Variants in HNRNPD observed in about 807,000 individuals in gnomAD.
HNRNPD encodes heterogeneous nuclear ribonucleoprotein D, also known as heterogeneous nuclear ribonucleoprotein D0.
HNRNPD carries 3 observed loss-of-function variants against 47.9 expected under a neutral mutation model. The observed-to-expected ratio is 0.06, with a 90% CI of 0.03 to 0.16. The LOEUF is 0.16. Among genes scored for constraint, HNRNPD ranks in the 10% least tolerant of loss-of-function variants. The pLI, the probability that HNRNPD is intolerant of heterozygous loss-of-function variation, is 1.00. For synonymous variants in HNRNPD, 171 were observed against 165.1 expected, an observed-to-expected ratio of 1.04 and a Z score of -0.28; for missense variants, 287 against 454.2, an observed-to-expected ratio of 0.63 and a Z score of 3.35.
intron 1 of HNRNPD, among the ~76,000 whole-genome samples, chr4:82,372,211 A>G (rs1720080775): frequency 6.6e-6 from 1 of 152,182 alleles, no homozygotes; most frequent in Admixed American, 6.5e-5. Context: ...ACCCACGATC[A>G]TCGGTCAGTA....
rs1408484185 is a variant in HNRNPD at position 82,353,538 on chromosome 4, A to G, written c.*647T>C. On this transcript the variant is annotated 3_prime_UTR_variant, in exon 9 of 9. Coordinates refer to ENST00000313899, the MANE Select transcript of HNRNPD (RefSeq NM_031370.3). ...ATCCAGATTTGTTCTAAAAAGCACA[A>G]TACATATTAAGCAAAAACTGGGCAT... The G allele has an allele frequency of 6.6e-6, 1 of 152,660 alleles. No individual in the cohort carries two copies. The highest frequency in any genetic ancestry group is 1.5e-5 in the Non-Finnish European group (1 of 68,030). The allele number at this position is 152,660 out of a possible 1,614,324, so 9.5% of individuals were successfully genotyped here.
At position 82,373,867 on chromosome 4, in the gene HNRNPD, A is replaced by C. The variant is rs1720284726; in HGVS notation, c.-189T>G. ...CCCTGGCCTGCCCCCTTCGCCTCCC[A>C]CTCTCGCGCGGCGCACACTCCCGCT... On this transcript the variant is annotated 5_prime_UTR_variant, in exon 1 of 9. Coordinates refer to ENST00000313899, the MANE Select transcript of HNRNPD (RefSeq NM_031370.3). 3 of 1,309,268 alleles carry C rather than the reference A, an allele frequency of 2.3e-6. No individual in the cohort carries two copies. Among genetic ancestry groups the C allele is most frequent in the Middle Eastern group, 2.7e-4 (1 of 3,648 alleles). 81.1% of individuals were successfully genotyped at this position (1,309,268 alleles called of 1,614,324 possible).
rs1457741162 is a variant in HNRNPD at position 82,353,299 on chromosome 4, ATCAT to A, written c.*882_*885del. ...AAACCTTTGAGAAATGGAAAATAAA[ATCAT>A]TCAAACAAATAAGCACACACACATA... On this transcript the variant is annotated 3_prime_UTR_variant, in exon 9 of 9. Coordinates refer to ENST00000313899, the MANE Select transcript of HNRNPD (RefSeq NM_031370.3). 3.3e-5 allele frequency: 5 copies of A among 152,212 alleles called. No individual in the cohort carries two copies. The highest frequency in any genetic ancestry group is 4.4e-5 in the Non-Finnish European group (3 of 68,030). The allele number at this position is 152,212 out of a possible 1,614,324, so 9.4% of individuals were successfully genotyped here.
In HNRNPD at chr4:82,368,162, C is replaced by T. The variant is rs146669424; in HGVS notation, c.290+3366G>A. Among the ~76,000 whole-genome samples, 419 of 152,300 alleles carry T rather than the reference C, an allele frequency of 2.8e-3. 3 individuals carry two copies. The highest frequency in any genetic ancestry group is 3.1e-3 in the Non-Finnish European group (211 of 68,024). On this transcript the variant is annotated intron_variant, in intron 2 of 8. Coordinates refer to ENST00000313899, the MANE Select transcript of HNRNPD (RefSeq NM_031370.3). ...GAATGGGAAAAAAAATTACTCTATT[C>T]CTTTTTAAATGCTTTCAAGCATGGT...
chr4:82,358,650 A>G lies in HNRNPD; in HGVS notation c.621+9T>C, dbSNP rs767218731. 1 of 1,598,562 alleles carries G rather than the reference A, an allele frequency of 6.3e-7. No homozygotes were observed. ...TGACATAAACTGGGTCAAAACATTT[A>G]TAACATACCTCACCAAAACCACCAA... On this transcript the variant is annotated intron_variant, in intron 4 of 8. Transcript: ENST00000313899.
At chr4:82,373,351 C>CG in intron 1 of HNRNPD, 95 bp downstream of exon 1, 1 of 1,426,044 alleles carries the variant, frequency 7.0e-7, no homozygotes, top group East Asian at 2.7e-5. Flanking sequence ...GCCCGGAGAA[C>CG]GGGCTGAGAG....
intron 2 of HNRNPD, among the ~76,000 whole-genome samples, chr4:82,368,735 G>T (rs1719885970): frequency 6.6e-6 from 1 of 152,132 alleles, no homozygotes; most frequent in African/African-American, 2.4e-5. Flanking sequence ...AGTAAATTTG[G>T]CATGAGACTA....
chr4:82,362,395 A>G (rs1719503442), intron 2 of HNRNPD, among the ~76,000 whole-genome samples: 1 of 152,042 alleles, frequency 6.6e-6, no homozygotes, highest in Non-Finnish European at 1.5e-5. Flanking sequence ...AGACAAACGT[A>G]TTAATATTTT....
intron 2 of HNRNPD, among the ~76,000 whole-genome samples, chr4:82,369,032 CA>C (rs927286467): frequency 1.3e-5 from 2 of 152,150 alleles, no homozygotes; most frequent in African/African-American, 4.8e-5. Flanking sequence ...GCTTCCTACC[CA>C]ATCCAATGCA....
chr4:82,373,793 C>T lies in HNRNPD; in HGVS notation c.-115G>A. ...CGCGCCCGCTCTACCTCGCGAAGCA[C>T]ACAAGACAGGGAAGGCGCGCGCGTG... On this transcript the variant is annotated 5_prime_UTR_variant, in exon 1 of 9. The change creates a new upstream start codon in the 5' untranslated region. Coordinates refer to ENST00000313899, the MANE Select transcript of HNRNPD (RefSeq NM_031370.3). The T allele has an allele frequency of 6.6e-7, 1 of 1,519,650 alleles. No individual in the cohort carries two copies. Among genetic ancestry groups the T allele is most frequent in the Non-Finnish European group, 8.8e-7 (1 of 1,139,154 alleles). The allele number at this position is 1,519,650 out of a possible 1,614,324, so 94.1% of individuals were successfully genotyped here.
rs777339558 is a variant in HNRNPD, at chr4:82,353,009, C to T, written c.*1176G>A. On this transcript the variant is annotated 3_prime_UTR_variant, in exon 9 of 9. Coordinates refer to ENST00000313899, the MANE Select transcript of HNRNPD (RefSeq NM_031370.3). ...AACTGACTGCACAGCCTTAGATTAC[C>T]ACTCAGGGTGGAACTCTTAACATTC... The T allele has an allele frequency of 6.6e-6, 1 of 152,122 alleles. No homozygotes were observed. Among genetic ancestry groups the T allele is most frequent in the Non-Finnish European group, 1.5e-5 (1 of 68,016 alleles). 9.4% of individuals were successfully genotyped at this position (152,122 alleles called of 1,614,324 possible).
intron 2 of HNRNPD, among the ~76,000 whole-genome samples, chr4:82,366,842 T>A (rs773272943): frequency 6.6e-6 from 1 of 152,110 alleles, no homozygotes; most frequent in Non-Finnish European, 1.5e-5. Context: ...ATTACAGGTG[T>A]GAGCCACTAC....
chr4:82,373,187 G>C (rs1412936904), intron 1 of HNRNPD: 1 of 673,282 alleles, frequency 1.5e-6, no homozygotes, highest in Non-Finnish European at 2.7e-6. Context: ...AGGGAGGAAA[G>C]GAGGGCGGGC....
At chr4:82,366,541 G>A (rs1218871838) in intron 2 of HNRNPD, among the ~76,000 whole-genome samples, 1 of 152,082 alleles carries the variant, frequency 6.6e-6, no homozygotes, top group African/African-American at 2.4e-5. Flanking sequence ...ACCGCGCCCG[G>A]CCAACATGAC....
chr4:82,368,482 A>G (rs1195209328), intron 2 of HNRNPD, among the ~76,000 whole-genome samples: 1 of 152,226 alleles, frequency 6.6e-6, no homozygotes, highest in South Asian at 2.1e-4. Flanking sequence ...ACATTCTCCC[A>G]ATTCCAAACT....
At chr4:82,360,690 TAAC>T (rs1375197649) in intron 2 of HNRNPD, among the ~76,000 whole-genome samples, 1 of 152,104 alleles carries the variant, frequency 6.6e-6, no homozygotes, top group Non-Finnish European at 1.5e-5. Flanking sequence ...GATGTGACAC[TAAC>T]TCAGCTCTAT....
At chr4:82,360,949 C>T (rs1443349946) in intron 2 of HNRNPD, among the ~76,000 whole-genome samples, 1 of 152,142 alleles carries the variant, frequency 6.6e-6, no homozygotes, top group Non-Finnish European at 1.5e-5. Flanking sequence ...GTATATACTG[C>T]GCTTCCCACT....
intron 5 of HNRNPD, 86 bp from the exon 6 acceptor site, chr4:82,356,981 G>A (rs1723738071): frequency 8.8e-7 from 1 of 1,138,984 alleles, no homozygotes; most frequent in East Asian, 2.3e-5. Context: ...TAGCCAACAT[G>A]TTTAAATAGA....
intron 1 of HNRNPD, 104 bp downstream of exon 1, chr4:82,373,342 C>A (rs904931025): frequency 1.4e-6 from 2 of 1,431,662 alleles, no homozygotes; most frequent in Non-Finnish European, 1.9e-6. Flanking sequence ...TGCATGGGGG[C>A]CCGGAGAACG....
Sources: gnomAD v4.1 joint callset for allele counts (sites outside exome capture counted in the v4.1 genomes callset) on GRCh38, gnomAD v4.1.1 for gene constraint, MANE v1.5 for transcripts, NCBI Gene and HGNC (gene_info 2026-07-23, HGNC 2026-07-21) for gene names.